METAP2: variants seen among roughly 807,000 people sequenced by gnomAD.
METAP2 encodes the protein methionine aminopeptidase 2.
A neutral mutation model predicts 59.4 loss-of-function variants in METAP2; 25 were observed. The observed-to-expected ratio is 0.42, with a 90% CI of 0.31 to 0.59. METAP2 has a LOEUF of 0.59. METAP2 is among the 20% of genes least tolerant of loss of function. METAP2 has a pLI of 0.16. For missense variants in METAP2, 366 were observed against 581.2 expected, an observed-to-expected ratio of 0.63 and a Z score of 3.81; for synonymous variants, 214 against 194.1, an observed-to-expected ratio of 1.10 and a Z score of -0.85.
rs1594442143 is a variant in METAP2 at position 95,512,869 on chromosome 12, A to G, written c.1137A>G (p.Glu379=). The change falls in exon 10 of 11, where the codon GAA becomes GAG. Residue 379 remains glutamate (E), a synonymous_variant. Coordinates refer to ENST00000323666, the MANE Select transcript of METAP2 (RefSeq NM_006838.4). ...TGKGVVHDDM[E]CSHYMKNFDV... ...AAGGTGTTGTTCATGATGATATGGAATGTTCACATTACATGAAAAATTTTG... is the reference window on the plus strand; with the variant it reads ...AAGGTGTTGTTCATGATGATATGGAGTGTTCACATTACATGAAAAATTTTG... 1.2e-6 allele frequency: 2 copies of G among 1,613,448 alleles called. No homozygotes were observed. Among genetic ancestry groups the G allele is most frequent in the East Asian group, 2.2e-5 (1 of 44,860 alleles).
At chr12:95,496,198 G>A (rs1254068605) in intron 7 of METAP2, 100 bp downstream of exon 7, 1 of 666,524 alleles carries the variant, frequency 1.5e-6, no homozygotes, top group Non-Finnish European at 2.5e-6. Flanking sequence ...GCCTGTTTAA[G>A]GGCTTTGGGT....
Position 95,476,150 on chromosome 12 carries a change from A to G in METAP2, c.231A>G (p.Glu77=). 1 of 1,608,226 alleles carries G rather than the reference A, an allele frequency of 6.2e-7. No individual in the cohort carries two copies. The highest frequency in any genetic ancestry group is 1.1e-5 in the South Asian group (1 of 90,120). Residue 77 remains glutamate, a synonymous_variant, in exon 2 of 11, where the codon GAA becomes GAG. Transcript: ENST00000323666. ...VARQLERSAL[E]DKERDEDDED... The stretch of plus-strand genomic sequence containing the variant: ...GACAGTTGGAAAGATCAGCATTGGA[A>G]GATAAAGAAAGAGATGAAGATGATG...
intron 2 of METAP2, among the ~76,000 whole-genome samples, chr12:95,480,462 A>G (rs1409875824): frequency 6.6e-6 from 1 of 152,214 alleles, no homozygotes; most frequent in Non-Finnish European, 1.5e-5. Context: ...CAAAGTGGCT[A>G]TGCTGTTTTG....
At chr12:95,482,419 T>G (rs1258769156) in intron 2 of METAP2, among the ~76,000 whole-genome samples, 3 of 152,124 alleles carry the variant, frequency 2.0e-5, no homozygotes, top group African/African-American at 7.2e-5. Flanking sequence ...AGCCTAATAT[T>G]TGTACTTCTA....
chr12:95,484,363 A>G (rs925566983), intron 3 of METAP2, among the ~76,000 whole-genome samples: 4 of 151,870 alleles, frequency 2.6e-5, no homozygotes, highest in African/African-American at 9.7e-5. Context: ...AGCACAGGAT[A>G]CTTGCATTCC....
At chr12:95,503,328 T>C (rs535211299) in intron 7 of METAP2, among the ~76,000 whole-genome samples, 2 of 152,328 alleles carry the variant, frequency 1.3e-5, no homozygotes, top group Non-Finnish European at 2.9e-5. Context: ...GTGCTCACTT[T>C]TAGAATTTTC....
At chr12:95,510,593 C>T (rs2076395224) in intron 8 of METAP2, among the ~76,000 whole-genome samples, 1 of 152,192 alleles carries the variant, frequency 6.6e-6, no homozygotes, top group Non-Finnish European at 1.5e-5. Context: ...CCAACACCAT[C>T]ACACTGGGGA....
At chr12:95,500,301 G>C (rs888002573) in intron 7 of METAP2, among the ~76,000 whole-genome samples, 11 of 152,012 alleles carry the variant, frequency 7.2e-5, no homozygotes, top group Non-Finnish European at 1.5e-4. Context: ...CACTTCTTTT[G>C]TGTGGAATCT....
intron 9 of METAP2, among the ~76,000 whole-genome samples, chr12:95,512,244 C>T (rs1412501726): frequency 1.3e-5 from 2 of 152,188 alleles, no homozygotes; most frequent in Non-Finnish European, 2.9e-5. Context: ...TGAGCATTCT[C>T]AGGTGCCAGT....
In METAP2 at chr12:95,484,649, G is replaced by C. The variant is rs1158871219; in HGVS notation, c.326-1230G>C. ...TTTAAGTATGATGCCATTAACATTT[G>C]TTCTGCTTCCTCTGAGGATGTTGTT... On this transcript the variant is annotated intron_variant, in intron 3 of 10. Coordinates refer to ENST00000323666, the MANE Select transcript of METAP2 (RefSeq NM_006838.4). 3 of 292,976 alleles carry C rather than the reference G, an allele frequency of 1.0e-5. No individual in the cohort carries two copies. The East Asian group carries it at 3.1e-4, about 31-fold the overall frequency. The allele number at this position is 292,976 out of a possible 1,614,324, so 18.1% of individuals were successfully genotyped here.
chr12:95,499,166 G>C (rs1160968253), intron 7 of METAP2, among the ~76,000 whole-genome samples: 3 of 152,120 alleles, frequency 2.0e-5, no homozygotes. Flanking sequence ...TTTTGAGACA[G>C]GGTCTTGCTC....
intron 7 of METAP2, among the ~76,000 whole-genome samples, chr12:95,498,915 T>C (rs1215939181): frequency 2.6e-5 from 4 of 151,748 alleles, no homozygotes; most frequent in South Asian, 2.1e-4. Context: ...CTCAGGAGGC[T>C]CTGGTGGGAG....
intron 3 of METAP2, 39 bp downstream of exon 3, chr12:95,483,319 G>A (rs779656589): frequency 6.6e-7 from 1 of 1,515,066 alleles, no homozygotes; most frequent in Middle Eastern, 1.7e-4. Flanking sequence ...TATATTAGAA[G>A]TGTTTATTCT....
At chr12:95,483,475 C>CA (rs141083015) in intron 3 of METAP2, 195 bp downstream of exon 3, 4,694 of 65,712 alleles carry the variant, frequency 0.071, 418 homozygotes, top group African/African-American at 0.19. Context: ...GACTCTGTCT[C>CA]AAAAAAAAAA....
At chr12:95,476,370 GGT>G (rs2076118722) in intron 2 of METAP2, among the ~76,000 whole-genome samples, 192 bp downstream of exon 2, 1 of 151,860 alleles carries the variant, frequency 6.6e-6, no homozygotes, top group South Asian at 2.1e-4. Context: ...AATTTAGCCG[GGT>G]GTGGTAGCAC....
At chr12:95,504,219 T>G (rs2076339308) in intron 8 of METAP2, 58 bp downstream of exon 8, 1 of 1,224,662 alleles carries the variant, frequency 8.2e-7, no homozygotes, top group Non-Finnish European at 1.2e-6. Context: ...TATTGTCGAG[T>G]GTTTTCTTTG....
chr12:95,474,748 C>G lies in METAP2; in HGVS notation c.151+418C>G, dbSNP rs138557728. On this transcript the variant is annotated intron_variant, in intron 1 of 10. Transcript: ENST00000323666. The stretch of plus-strand genomic sequence containing the variant: ...GTCTTTGCTGGTTTGCTGGAGCAAG[C>G]TAGGACTTATTTTCTTTGGGGGTGG... 1.2e-3 allele frequency among the ~76,000 whole-genome samples: 181 copies of G among 152,264 alleles called. 1 individual carries two copies. Among genetic ancestry groups the G allele is most frequent in the African/African-American group, 3.9e-3 (162 of 41,544 alleles).
At chr12:95,506,129 G>T (rs2076357515) in intron 8 of METAP2, among the ~76,000 whole-genome samples, 1 of 151,760 alleles carries the variant, frequency 6.6e-6, no homozygotes, top group African/African-American at 2.4e-5. Context: ...TTCCTCTGTT[G>T]TCCAGGCTGG....
At chr12:95,493,282 C>T (rs949938979) in intron 4 of METAP2, among the ~76,000 whole-genome samples, 10 of 152,088 alleles carry the variant, frequency 6.6e-5, no homozygotes, top group African/African-American at 2.2e-4. Context: ...TCAAGATCAG[C>T]CTGGACAACA....
Sources: gnomAD v4.1 joint callset for allele counts (sites outside exome capture counted in the v4.1 genomes callset) on GRCh38, gnomAD v4.1.1 for gene constraint, MANE v1.5 for transcripts, NCBI Gene and HGNC (gene_info 2026-07-23, HGNC 2026-07-21) for gene names.